The following TMEM132C variants were observed in gnomAD, a reference collection of about 807,000 sequenced individuals.
TMEM132C encodes transmembrane protein 132C, also known as protein phosphatase 1, regulatory subunit 152.
In TMEM132C, 29 loss-of-function variants were observed where a neutral mutation model predicts 61.4. The ratio of observed to expected loss-of-function variants is 0.47; its 90% CI spans 0.35 to 0.64. The LOEUF (loss-of-function observed/expected upper bound fraction) is 0.64. Among genes scored for constraint, TMEM132C ranks in the 30% least tolerant of loss-of-function variants. TMEM132C has a pLI of 0.00. For synonymous variants in TMEM132C, 656 were observed against 633.1 expected (o/e 1.04, Z -0.54); for missense variants, 1,408 against 1,476.9 (o/e 0.95, Z 0.76).
intron 8 of TMEM132C, among the ~76,000 whole-genome samples, chr12:128,701,782 A>C (rs996092761): frequency 1.3e-5 from 2 of 151,988 alleles, no homozygotes; most frequent in African/African-American, 4.8e-5. Flanking sequence ...AACATGTCTC[A>C]TCTGCTGTTC....
At chr12:128,684,313 G>A (rs1263563670) in intron 5 of TMEM132C, among the ~76,000 whole-genome samples, 2 of 139,406 alleles carry the variant, frequency 1.4e-5, no homozygotes, top group Non-Finnish European at 3.0e-5. Context: ...CATAGATGAG[G>A]AAAATGAATC....
At chr12:128,331,390 C>A (rs1022405259) in intron 1 of TMEM132C, among the ~76,000 whole-genome samples, 1 of 152,182 alleles carries the variant, frequency 6.6e-6, no homozygotes, top group East Asian at 1.9e-4. Context: ...ATCCAACATG[C>A]GAATAATGTA....
At chr12:128,279,470 T>C (rs1041387550) in intron 1 of TMEM132C, among the ~76,000 whole-genome samples, 4 of 152,172 alleles carry the variant, frequency 2.6e-5, no homozygotes, top group Non-Finnish European at 5.9e-5. Context: ...CCCATCACAT[T>C]CAGAGGTAAT....
intron 2 of TMEM132C, among the ~76,000 whole-genome samples, chr12:128,484,028 G>C (rs1347556645): frequency 6.6e-6 from 1 of 152,100 alleles, no homozygotes; most frequent in Non-Finnish European, 1.5e-5. Flanking sequence ...TCCAACTGCA[G>C]TTCAGAATCC....
chr12:128,706,480 T>C lies in TMEM132C; in HGVS notation c.*185T>C, dbSNP rs1954841891. ...TCAAGGGATTTTTAGCAGTTAATGG[T>C]GGTGGATTTTTAAAGGTCAGGGGAA... On this transcript the variant is annotated 3_prime_UTR_variant, in exon 9 of 9. Coordinates refer to ENST00000435159, the MANE Select transcript of TMEM132C (RefSeq NM_001136103.3). The C allele has an allele frequency of 2.6e-6, 2 of 769,514 alleles. No individual in the cohort carries two copies. Among genetic ancestry groups the C allele is most frequent in the Non-Finnish European group, 3.8e-6 (2 of 528,142 alleles). The allele number at this position is 769,514 out of a possible 1,614,324, so 47.7% of individuals were successfully genotyped here. A position where few individuals can be genotyped will look rare whatever the true frequency, so the allele number is the denominator to read the frequency against.
intron 1 of TMEM132C, among the ~76,000 whole-genome samples, chr12:128,385,733 A>G (rs1192933688): frequency 1.3e-5 from 2 of 152,224 alleles, no homozygotes; most frequent in Admixed American, 6.5e-5. Flanking sequence ...CAGAAATTCA[A>G]TTTGGGTATA....
intron 1 of TMEM132C, among the ~76,000 whole-genome samples, chr12:128,304,780 A>G (rs561243173): frequency 1.9e-4 from 29 of 152,198 alleles, no homozygotes; most frequent in Non-Finnish European, 4.1e-4. Flanking sequence ...GTGTCCACTC[A>G]AAGAGCCCAT....
At chr12:128,530,618 A>AT (rs1217562510) in intron 2 of TMEM132C, among the ~76,000 whole-genome samples, 3 of 151,794 alleles carry the variant, frequency 2.0e-5, no homozygotes, top group African/African-American at 7.3e-5. Context: ...TAATTTTTGT[A>AT]TTTTTTTGAA....
chr12:128,308,203 A>G (rs1484351581), intron 1 of TMEM132C, among the ~76,000 whole-genome samples: 1 of 152,178 alleles, frequency 6.6e-6, no homozygotes, highest in Non-Finnish European at 1.5e-5. Flanking sequence ...CAGCTCCTAA[A>G]TCCAGTCTCT....
Position 128,544,116 on chromosome 12 carries a change from C to T in TMEM132C, c.1121+13C>T, listed in dbSNP as rs902903877. On this transcript the variant is annotated intron_variant, in intron 3 of 8. Coordinates refer to ENST00000435159, the MANE Select transcript of TMEM132C (RefSeq NM_001136103.3). ...GCCCACGCAACAGGTAAGCGGTGCC[C>T]TCCCTGCAAGCGTGTGTGGTTCCTG... 2.6e-6 allele frequency: 4 copies of T among 1,516,234 alleles called. No homozygotes were observed. The African/African-American group carries it at 5.6e-5, about 21-fold the overall frequency. 93.9% of individuals were successfully genotyped at this position (1,516,234 alleles called of 1,614,324 possible).
At position 128,311,479 on chromosome 12, in the gene TMEM132C, C is replaced by T. The variant is rs143745137; in HGVS notation, c.85+43992C>T. ...CAGCAGGCTCTTGTTGGGAGGGGAC[C>T]CGCTTCTCTGCCTCTATTCTCTACT... On this transcript the variant is annotated intron_variant, in intron 1 of 8. Coordinates refer to ENST00000435159, the MANE Select transcript of TMEM132C (RefSeq NM_001136103.3). Among the ~76,000 whole-genome samples, 17 of 152,298 alleles carry T rather than the reference C, an allele frequency of 1.1e-4. No individual in the cohort carries two copies. The East Asian group carries it at 3.1e-3, about 28-fold the overall frequency.
At chr12:128,285,802 C>T (rs12304883) in intron 1 of TMEM132C, among the ~76,000 whole-genome samples, 51 of 39,534 alleles carry the variant, frequency 1.3e-3, no homozygotes, top group Admixed American at 2.0e-3. Flanking sequence ...CATCTCTATC[C>T]CTCTCTCCCT....
chr12:128,473,460 C>T (rs1451592240), intron 2 of TMEM132C, among the ~76,000 whole-genome samples: 1 of 151,958 alleles, frequency 6.6e-6, no homozygotes, highest in Non-Finnish European at 1.5e-5. Flanking sequence ...TCACGCCAGC[C>T]TCTGTCTTCA....
chr12:128,645,003 C>A (rs1289123311), intron 4 of TMEM132C, among the ~76,000 whole-genome samples: 1 of 152,082 alleles, frequency 6.6e-6, no homozygotes. Context: ...GGGCGAACAG[C>A]GTTGAAAGGG....
intron 1 of TMEM132C, among the ~76,000 whole-genome samples, chr12:128,339,499 C>T (rs1325346184): frequency 6.6e-6 from 1 of 151,922 alleles, no homozygotes; most frequent in Non-Finnish European, 1.5e-5. Context: ...TGCAAGTCTC[C>T]CCTCCTCTCC....
intron 1 of TMEM132C, among the ~76,000 whole-genome samples, chr12:128,286,955 A>G (rs1036179418): frequency 6.6e-6 from 1 of 152,240 alleles, no homozygotes; most frequent in Admixed American, 6.5e-5. Flanking sequence ...GAAGACGAAG[A>G]AAAACTATGT....
chr12:128,395,882 T>C (rs7136225), intron 1 of TMEM132C, among the ~76,000 whole-genome samples: 22,293 of 152,104 alleles, frequency 0.15, 1,828 homozygotes, highest in East Asian at 0.2. Context: ...TGATGTTCAC[T>C]GAGTTACCGG....
At chr12:128,279,612 A>G (rs926676422) in intron 1 of TMEM132C, among the ~76,000 whole-genome samples, 1 of 152,054 alleles carries the variant, frequency 6.6e-6, no homozygotes, top group African/African-American at 2.4e-5. Flanking sequence ...CACCCCAGAT[A>G]GGCTCCCACC....
At chr12:128,561,067 G>A (rs1164661783) in intron 3 of TMEM132C, among the ~76,000 whole-genome samples, 1 of 152,192 alleles carries the variant, frequency 6.6e-6, no homozygotes, top group Non-Finnish European at 1.5e-5. Flanking sequence ...CATGCCCCAT[G>A]GCTTCTTTCC....
Sources: gnomAD v4.1 joint callset for allele counts (sites outside exome capture counted in the v4.1 genomes callset) on GRCh38, gnomAD v4.1.1 for gene constraint, MANE v1.5 for transcripts, NCBI Gene and HGNC (gene_info 2026-07-23, HGNC 2026-07-21) for gene names.